Variants in LRFN2 observed in about 807,000 individuals in gnomAD.
The protein encoded by LRFN2 is leucine-rich repeat and fibronectin type-III domain-containing protein 2.
Under a neutral mutation model 37.3 loss-of-function variants are expected in LRFN2, and 18 were observed. The observed-to-expected ratio is 0.48, with a 90% CI of 0.33 to 0.72. LRFN2 has a LOEUF of 0.72. LRFN2 is among the 30% of genes least tolerant of loss of function. The pLI, the probability that LRFN2 is intolerant of heterozygous loss-of-function variation, is 0.02. For missense variants in LRFN2, 1,006 were observed against 1,060.7 expected (o/e 0.95, Z 0.72); for synonymous variants, 556 against 466.6 (o/e 1.19, Z -2.47).
At chr6:40,463,790 C>T (rs532801590) in intron 1 of LRFN2, among the ~76,000 whole-genome samples, 2 of 151,256 alleles carry the variant, frequency 1.3e-5, no homozygotes, top group East Asian at 2.0e-4. Context: ...GATCCTCCCA[C>T]CTCAGCTTCA....
chr6:40,568,201 T>C (rs1448330507), intron 1 of LRFN2, among the ~76,000 whole-genome samples: 1 of 152,248 alleles, frequency 6.6e-6, no homozygotes, highest in Non-Finnish European at 1.5e-5. Context: ...CAGCCTGGGC[T>C]GGCCTAGGCC....
intron 1 of LRFN2, among the ~76,000 whole-genome samples, chr6:40,548,262 A>G (rs1013702643): frequency 1.1e-4 from 16 of 152,166 alleles, no homozygotes; most frequent in Admixed American, 2.6e-4. Context: ...CAACCTGGTG[A>G]AACCCTGCCT....
At chr6:40,459,508 G>A (rs9349155) in intron 1 of LRFN2, among the ~76,000 whole-genome samples, 39,974 of 152,182 alleles carry the variant, frequency 0.26, 6,143 homozygotes, top group Middle Eastern at 0.42. Context: ...GTGTTTTGCT[G>A]TGGACTTCTC....
At chr6:40,429,660 C>T (rs968359959) in intron 2 of LRFN2, among the ~76,000 whole-genome samples, 11 of 151,886 alleles carry the variant, frequency 7.2e-5, no homozygotes, top group African/African-American at 2.2e-4. Context: ...TATAATTTAC[C>T]CATAAACCAG....
At chr6:40,410,724 C>T (rs1008662327) in intron 2 of LRFN2, among the ~76,000 whole-genome samples, 3 of 152,332 alleles carry the variant, frequency 2.0e-5, no homozygotes, top group East Asian at 1.9e-4. Flanking sequence ...CACCTCGCAG[C>T]AGGACCCCTC....
chr6:40,451,116 G>A (rs910846417), intron 1 of LRFN2, among the ~76,000 whole-genome samples: 1 of 152,210 alleles, frequency 6.6e-6, no homozygotes, highest in Non-Finnish European at 1.5e-5. Flanking sequence ...AGGAGGTTTT[G>A]TTTGTTTTAC....
At chr6:40,519,006 C>T (rs900253327) in intron 1 of LRFN2, among the ~76,000 whole-genome samples, 1 of 152,080 alleles carries the variant, frequency 6.6e-6, no homozygotes, top group African/African-American at 2.4e-5. Context: ...AGAGAGAGGG[C>T]AGATCTGAGC....
At chr6:40,406,320 G>A (rs1018935792) in intron 2 of LRFN2, among the ~76,000 whole-genome samples, 1 of 152,214 alleles carries the variant, frequency 6.6e-6, no homozygotes, top group African/African-American at 2.4e-5. Flanking sequence ...ATCCAGGCCT[G>A]AGGCTGGATA....
intron 2 of LRFN2, among the ~76,000 whole-genome samples, chr6:40,409,780 A>G (rs572638794): frequency 6.6e-6 from 1 of 152,310 alleles, no homozygotes; most frequent in South Asian, 2.1e-4. Context: ...TGAGTGACCG[A>G]GAAACTTATT....
chr6:40,466,964 A>C (rs1037132535), intron 1 of LRFN2, among the ~76,000 whole-genome samples: 2 of 152,116 alleles, frequency 1.3e-5, no homozygotes, highest in African/African-American at 4.8e-5. Context: ...AGGAAAAATC[A>C]TGGGAAGACA....
intron 1 of LRFN2, among the ~76,000 whole-genome samples, chr6:40,454,701 C>T (rs1404058183): frequency 3.9e-5 from 6 of 152,230 alleles, no homozygotes; most frequent in Admixed American, 3.3e-4. Context: ...AGCAATTTCA[C>T]ATCTAGAAAT....
intron 2 of LRFN2, among the ~76,000 whole-genome samples, chr6:40,426,238 G>A (rs963477023): frequency 6.6e-6 from 1 of 152,196 alleles, no homozygotes; most frequent in East Asian, 1.9e-4. Context: ...ATGAGAGCTG[G>A]GATAATTTAA....
chr6:40,552,030 T>G (rs429167), intron 1 of LRFN2, among the ~76,000 whole-genome samples: 18,347 of 152,072 alleles, frequency 0.12, 1,294 homozygotes, highest in Non-Finnish European at 0.16. Flanking sequence ...TTATACAAGT[T>G]ATACAAGGTG....
At position 40,432,663 on chromosome 6, in the gene LRFN2, A is replaced by T. The variant is rs755867122; in HGVS notation, c.451T>A (p.Leu151Met). The T allele has an allele frequency of 6.8e-6, 11 of 1,614,136 alleles. No individual in the cohort carries two copies. Among genetic ancestry groups the T allele is most frequent in the African/African-American group, 1.3e-5 (1 of 75,036 alleles). The change falls in exon 2 of 3, where the codon TTG becomes ATG. Residue 151 changes from leucine (L) to methionine (M), a missense_variant. Physicochemically the swap from Leu to Met is conservative, Grantham distance 15. Transcript: ENST00000338305. ...TTGTAGGAGAGGTCCAGATCCTCCA[A>T]TGTCAGCAGGAAGTCCTCAAAAGCC... ...DEAFEDFLLT[L>M]EDLDLSYNNL...
At chr6:40,552,190 T>C (rs1766789645) in intron 1 of LRFN2, among the ~76,000 whole-genome samples, 1 of 152,208 alleles carries the variant, frequency 6.6e-6, no homozygotes, top group African/African-American at 2.4e-5. Flanking sequence ...AACTCTGAAG[T>C]GAGCCCAGGA....
At position 40,432,703 on chromosome 6, in the gene LRFN2, G is replaced by A. The variant is rs368148915; in HGVS notation, c.411C>T (p.Gly137=). The A allele has an allele frequency of 2.5e-5, 40 of 1,613,970 alleles. No homozygotes were observed. Among genetic ancestry groups the A allele is most frequent in the African/African-American group, 1.2e-4 (9 of 74,942 alleles). The change falls in exon 2 of 3, where the codon GGC becomes GGT. Residue 137 remains glycine, a synonymous_variant. Transcript: ENST00000338305. ...CCTCAAAAGCCTCATCTGCGATGCC[G>A]CCCAGCTGGTTGTTGTTCACGATAA... ...QHLIVNNNQL[G]GIADEAFEDF...
chr6:40,413,984 T>A (rs1763036229), intron 2 of LRFN2, among the ~76,000 whole-genome samples: 3 of 152,124 alleles, frequency 2.0e-5, no homozygotes, highest in Admixed American at 2.0e-4. Context: ...CTCACTGGCC[T>A]CTATTTTGAA....
intron 2 of LRFN2, among the ~76,000 whole-genome samples, chr6:40,393,409 G>A (rs1322734988): frequency 2.0e-5 from 3 of 151,832 alleles, no homozygotes; most frequent in Admixed American, 6.6e-5. Flanking sequence ...AACACAATGA[G>A]TATGAAGATG....
intron 1 of LRFN2, among the ~76,000 whole-genome samples, chr6:40,524,569 G>A (rs574130059): frequency 6.6e-6 from 1 of 152,230 alleles, no homozygotes; most frequent in Admixed American, 6.5e-5. Flanking sequence ...CCTGGCTCAC[G>A]CAGGCAGGGG....
Sources: allele counts gnomAD v4.1 joint callset (sites outside exome capture counted in the v4.1 genomes callset), GRCh38; gene constraint gnomAD v4.1.1; transcripts MANE v1.5; gene names NCBI Gene and HGNC (gene_info 2026-07-23, HGNC 2026-07-21).